The following DNHD1 variants were observed in gnomAD, a reference collection of about 807,000 sequenced individuals.
The protein encoded by DNHD1 is dynein heavy chain domain 1.
Under a neutral mutation model 458.1 loss-of-function variants are expected in DNHD1, and 383 were observed. The observed-to-expected ratio is 0.84, with a 90% CI of 0.77 to 0.91. The LOEUF (loss-of-function observed/expected upper bound fraction) is 0.91. Ranked by LOEUF, DNHD1 falls within the 40% of genes least tolerant of loss-of-function variation. The probability of loss-of-function intolerance (pLI) is 0.00; values close to 1 mark genes in which losing one functional copy is unlikely to be tolerated. For missense variants in DNHD1, 5,336 were observed against 5,866.1 expected, an observed-to-expected ratio of 0.91 and a Z score of 2.95; for synonymous variants, 2,203 against 2,376.9, an observed-to-expected ratio of 0.93 and a Z score of 2.13.
intron 10 of DNHD1, among the ~76,000 whole-genome samples, chr11:6,523,117 G>A (rs1219300829): frequency 1.3e-5 from 2 of 152,174 alleles, no homozygotes; most frequent in Non-Finnish European, 2.9e-5. Flanking sequence ...TACCAAGATT[G>A]GAATAACTTT....
chr11:6,541,724 A>C (rs1358514145), intron 18 of DNHD1, among the ~76,000 whole-genome samples: 1 of 152,204 alleles, frequency 6.6e-6, no homozygotes, highest in Non-Finnish European at 1.5e-5. Flanking sequence ...TAACATAATT[A>C]GATTTTAGTT....
chr11:6,544,537 G>C, intron 19 of DNHD1, 37 bp from the exon 20 acceptor site: 1 of 1,508,366 alleles, frequency 6.6e-7, no homozygotes, highest in Non-Finnish European at 9.0e-7. Flanking sequence ...TAGAACCCTA[G>C]TGTTTCCCAC....
At position 6,556,913 on chromosome 11, in the gene DNHD1, G is replaced by A; in HGVS notation, c.7618G>A (p.Val2540Met). 6.4e-7 allele frequency: 1 copy of A among 1,551,702 alleles called. No individual in the cohort carries two copies. Among genetic ancestry groups the A allele is most frequent in the Non-Finnish European group, 8.7e-7 (1 of 1,147,002 alleles). The change falls in exon 25 of 43, where the codon GTG becomes ATG. Residue 2540 changes from valine to methionine, a missense_variant. By Grantham distance (21) the Val-to-Met change is conservative. Around this residue, in one of 4 missense-constraint regions of DNHD1, gnomAD observed 3,932 missense variants for 4,365.6 expected, o/e 0.90. Transcript: ENST00000254579. ...MTQATLLERH[V>M]PIIQAWLERF... ...CCAGGCCACCCTGCTGGAAAGACAT[G>A]TGCCTATCATTCAGGCTTGGCTTGA... is the stretch of plus-strand genomic sequence containing the variant.
In DNHD1 at chr11:6,547,314, G is replaced by T. The variant is rs1045074415; in HGVS notation, c.6375G>T (p.Leu2125Phe). 1.3e-6 allele frequency: 2 copies of T among 1,551,804 alleles called. No individual in the cohort carries two copies. Among genetic ancestry groups the T allele is most frequent in the Non-Finnish European group, 1.7e-6 (2 of 1,147,018 alleles). ...CACGACCCCCAGGCACCTTTCTCTT[G>T]ATGGAGGTGGCTGACACAACAGGCA... ...QIARPPGTFL[L>F]MEVADTTGIS... Residue 2125 changes from leucine to phenylalanine, a missense_variant, in exon 21 of 43, where the codon TTG (leucine) becomes TTT (phenylalanine). Physicochemically the swap from Leu to Phe is conservative, Grantham distance 22. Transcript: ENST00000254579.
Position 6,511,355 on chromosome 11 carries a change from C to T in DNHD1, c.1318C>T (p.Leu440=), listed in dbSNP as rs920801310. The T allele has an allele frequency of 6.2e-7, 1 of 1,614,134 alleles. No homozygotes were observed. The highest frequency in any genetic ancestry group is 8.5e-7 in the Non-Finnish European group (1 of 1,180,054). The part of the protein sequence containing the change: ...CYELLDLQTA[L]AEEKHKALRL... Reference sequence around the variant, plus strand: ...TGAGCTGCTGGACCTGCAGACGGCTCTAGCCGAGGAGAAGCATAAGGCTCT... The same window carrying T: ...TGAGCTGCTGGACCTGCAGACGGCTTTAGCCGAGGAGAAGCATAAGGCTCT... The change falls in exon 7 of 43, where the codon CTA becomes TTA. Residue 440 remains leucine, a synonymous_variant. Coordinates refer to ENST00000254579, the MANE Select transcript of DNHD1 (RefSeq NM_144666.3).
chr11:6,545,635 C>G lies in DNHD1; in HGVS notation c.4696C>G (p.Arg1566Gly), dbSNP rs545721460. The G allele has an allele frequency of 1.9e-6, 3 of 1,551,808 alleles. No homozygotes were observed. In the South Asian group the frequency reaches 3.6e-5, roughly 18 times the overall value. ...AGGTGGGCAGTCCCTGCCTTCTGTC[C>G]GCCAGACCAGCCTTCTCAGTGCCCT... The part of the protein sequence containing the change: ...SQGGQSLPSV[R>G]QTSLLSALLV... The change falls in exon 21 of 43, where the codon CGC (arginine) becomes GGC (glycine). Residue 1566 changes from arginine to glycine, a missense_variant. Around this residue, in one of 4 missense-constraint regions of DNHD1, gnomAD observed 3,932 missense variants for 4,365.6 expected, o/e 0.90. Coordinates refer to ENST00000254579, the MANE Select transcript of DNHD1 (RefSeq NM_144666.3). This position sits in a 1 kb window ranked among gnomAD's most constrained non-coding sequence, Gnocchi z 4.9.
chr11:6,554,391 A>G (rs989684585), intron 24 of DNHD1, among the ~76,000 whole-genome samples: 2 of 152,164 alleles, frequency 1.3e-5, no homozygotes, highest in African/African-American at 4.8e-5. Context: ...AATTGGAGAA[A>G]AATCTGTGTG....
intron 39 of DNHD1, among the ~76,000 whole-genome samples, chr11:6,569,552 A>G (rs1423549793): frequency 1.3e-5 from 2 of 152,014 alleles, no homozygotes; most frequent in South Asian, 2.1e-4. Context: ...GAAGGGTTTT[A>G]AGTAGAAGAA....
Position 6,547,464 on chromosome 11 carries a change from C to T in DNHD1, c.6525C>T (p.Val2175=). The change falls in exon 21 of 43, where the codon GTC becomes GTT. Residue 2175 remains valine (V), a synonymous_variant. Transcript: ENST00000254579. ...AGTACCGCCTGCAGCACCGGACAGT[C>T]GCTGAGCTCAACCACATGGCTGAGG... is the stretch of plus-strand genomic sequence containing the variant. ...PYEYRLQHRT[V]AELNHMAEVL... The T allele has an allele frequency of 6.4e-7, 1 of 1,551,086 alleles. No homozygotes were observed. The highest frequency in any genetic ancestry group is 2.0e-5 in the Admixed American group (1 of 51,002).
At chr11:6,565,327 A>G (rs1204503798) in intron 32 of DNHD1, among the ~76,000 whole-genome samples, 1 of 152,194 alleles carries the variant, frequency 6.6e-6, no homozygotes, top group Non-Finnish European at 1.5e-5. Flanking sequence ...CCCTTACAAG[A>G]GGCAGAAGAA....
rs201400447 is a variant in DNHD1 at position 6,570,797 on chromosome 11, C to T, written c.13285C>T (p.Arg4429Ter). ...RSSPVWVPESRRGAQLAERRL... is the reference protein window; with the variant it reads ...RSSPVWVPES ...TTCACCCGTGTGGGTTCCTGAGTCT[C>T]GAAGAGGCGCCCAGCTTGCGGAAAG... Residue 4429 changes from arginine (R) to a stop codon, truncating the protein, a stop_gained, in exon 42 of 43, where the codon CGA becomes TGA. Transcript: ENST00000254579. LOFTEE classifies it high-confidence loss of function. The T allele has an allele frequency of 3.7e-5, 59 of 1,613,550 alleles. No homozygotes were observed. The highest frequency in any genetic ancestry group is 5.0e-5 in the Admixed American group (3 of 59,964).
chr11:6,568,145 T>G lies in DNHD1; in HGVS notation c.12441T>G (p.Tyr4147Ter), dbSNP rs1263831168. The G allele has an allele frequency of 6.4e-7, 1 of 1,558,850 alleles. No individual in the cohort carries two copies. The highest frequency in any genetic ancestry group is 1.2e-5 in the South Asian group (1 of 84,626). Residue 4147 changes from tyrosine (Y) to a stop codon, truncating the protein, a stop_gained, in exon 37 of 43, where the codon TAT (tyrosine) becomes TAG (stop). Coordinates refer to ENST00000254579, the MANE Select transcript of DNHD1 (RefSeq NM_144666.3). LOFTEE classifies it high-confidence loss of function. ...VVVSTLSQAM[Y>*]EGHWLVLDNC... ...TCAGCACTCTATCCCAGGCTATGTA[T>G]GAGGGGCACTGGCTGGTGCTGGACA...
rs756522721 is a variant in DNHD1, at chr11:6,571,415, C to T, written c.13903C>T (p.His4635Tyr). 1.9e-5 allele frequency: 30 copies of T among 1,597,314 alleles called. No homozygotes were observed. Among genetic ancestry groups the T allele is most frequent in the Middle Eastern group, 3.3e-4 (2 of 6,036 alleles). ...KRLEMNSNPL[H>Y]FRVENGPNPT... ...TCTGGAGATGAACAGCAACCCTCTGCACTTCAGGGTATCTTCGCGCCGCCC... is the reference window on the plus strand; with the variant it reads ...TCTGGAGATGAACAGCAACCCTCTGTACTTCAGGGTATCTTCGCGCCGCCC... Residue 4635 changes from histidine to tyrosine, a missense_variant, in exon 42 of 43, where the codon CAC (histidine) becomes TAC (tyrosine). His to Tyr is a moderately conservative substitution (Grantham distance 83, BLOSUM62 2). Around this residue, in one of 4 missense-constraint regions of DNHD1, gnomAD observed 698 missense variants for 664.9 expected, o/e 1.05. Transcript: ENST00000254579. This position sits in a 1 kb window ranked among gnomAD's most constrained non-coding sequence, Gnocchi z 5.0.
chr11:6,547,625 ACCT>A lies in DNHD1; in HGVS notation c.6689_6691del (p.Leu2230del), dbSNP rs1433230437. On this transcript the variant is annotated inframe_deletion, in exon 21 of 43. Coordinates refer to ENST00000254579, the MANE Select transcript of DNHD1 (RefSeq NM_144666.3). Reference sequence around the variant, plus strand: ...GCACGCATCTTGCATAGTCTGCTTGACCTCCACCTTCGCCTAAAGGAGGAGAAG... The same window carrying A: ...GCACGCATCTTGCATAGTCTGCTTGACCACCTTCGCCTAAAGGAGGAGAAG... 38 of 1,534,878 alleles carry A rather than the reference ACCT, an allele frequency of 2.5e-5. No individual in the cohort carries two copies. Among genetic ancestry groups the A allele is most frequent in the Non-Finnish European group, 3.3e-5 (38 of 1,135,006 alleles).
At chr11:6,536,246 T>G (rs966326458) in intron 14 of DNHD1, among the ~76,000 whole-genome samples, 2 of 152,150 alleles carry the variant, frequency 1.3e-5, no homozygotes. Context: ...ACATGACAAA[T>G]GCAGTGCTTG....
rs1182015408 is a variant in DNHD1, at chr11:6,564,346, G to A, written c.10298G>A (p.Arg3433His). The part of the protein sequence containing the change: ...WTTQLQKLKG[R>H]CMTVFGDTLL... ...CTTCCACTCCAGAAGCTGAAGGGAC[G>A]CTGCATGACTGTGTTTGGAGATACC... Residue 3433 changes from arginine (R) to histidine (H), a missense_variant, in exon 32 of 43, where the codon CGC (arginine) becomes CAC (histidine). Physicochemically the swap from Arg to His is conservative, Grantham distance 29 (BLOSUM62 0). This residue lies in a region of DNHD1 where 3,932 missense variants were observed against 4,365.6 expected (regional missense o/e 0.90). Coordinates refer to ENST00000254579, the MANE Select transcript of DNHD1 (RefSeq NM_144666.3). The A allele has an allele frequency of 6.5e-6, 10 of 1,536,290 alleles. No homozygotes were observed. Among genetic ancestry groups the A allele is most frequent in the African/African-American group, 2.8e-5 (2 of 72,666 alleles).
intron 39 of DNHD1, among the ~76,000 whole-genome samples, chr11:6,569,078 T>C (rs1589899868): frequency 6.6e-6 from 1 of 152,192 alleles, no homozygotes; most frequent in Non-Finnish European, 1.5e-5. Flanking sequence ...TGGGCCTTTC[T>C]GAGCAGAGGG....
At chr11:6,512,977 A>G (rs1852377457) in intron 7 of DNHD1, among the ~76,000 whole-genome samples, 2 of 152,114 alleles carry the variant, frequency 1.3e-5, no homozygotes, top group Non-Finnish European at 2.9e-5. Flanking sequence ...GGTTTAGAGG[A>G]AAGGGGCCAA....
At chr11:6,538,542 G>A in intron 15 of DNHD1, 32 bp downstream of exon 15, 1 of 1,551,726 alleles carries the variant, frequency 6.4e-7, no homozygotes. Context: ...GCTCTTGACT[G>A]GGAGTGGAGG....
Sources: gnomAD v4.1 joint callset for allele counts (sites outside exome capture counted in the v4.1 genomes callset) on GRCh38, gnomAD v4.1.1 for gene constraint, gnomAD v4.1.1 regional missense constraint, Gnocchi (gnomAD v3.1) non-coding constraint, MANE v1.5 for transcripts, NCBI Gene and HGNC (gene_info 2026-07-23, HGNC 2026-07-21) for gene names.